NCOA3: variants seen among roughly 807,000 people sequenced by gnomAD.
The protein encoded by NCOA3 is nuclear receptor coactivator 3, also known as CBP-interacting protein.
Under a neutral mutation model 158.8 loss-of-function variants are expected in NCOA3, and 51 were observed. The ratio of observed to expected loss-of-function variants is 0.32; its 90% CI spans 0.26 to 0.41. The LOEUF (loss-of-function observed/expected upper bound fraction) is 0.41. NCOA3 is among the 10% of genes least tolerant of loss of function. The pLI is 1.00. For missense variants in NCOA3, 1,510 were observed against 1,746.6 expected, an observed-to-expected ratio of 0.86 and a Z score of 2.41; for synonymous variants, 537 against 592.4, an observed-to-expected ratio of 0.91 and a Z score of 1.36.
intron 3 of NCOA3, 73 bp from the exon 4 acceptor site, chr20:47,623,838 G>A: frequency 7.2e-7 from 1 of 1,393,396 alleles, no homozygotes; most frequent in South Asian, 1.3e-5. Context: ...TATAGGGGCT[G>A]ATTCTGCTAA....
chr20:47,525,695 G>A (rs1413237149), intron 1 of NCOA3, among the ~76,000 whole-genome samples: 7 of 134,896 alleles, frequency 5.2e-5, no homozygotes, highest in Admixed American at 2.8e-4. Context: ...CGGACGGGGC[G>A]GCTGGCCGGG....
chr20:47,641,367 G>T (rs945953137), intron 16 of NCOA3, among the ~76,000 whole-genome samples: 1 of 133,602 alleles, frequency 7.5e-6, no homozygotes, highest in African/African-American at 2.8e-5. Flanking sequence ...TGGCTCTGTC[G>T]CCCAGGCTGG....
chr20:47,599,013 G>T (rs547604888), intron 2 of NCOA3, among the ~76,000 whole-genome samples: 6 of 152,262 alleles, frequency 3.9e-5, no homozygotes, highest in Non-Finnish European at 8.8e-5. Flanking sequence ...ATATTAACAT[G>T]CAGTATAGGT....
In NCOA3 at chr20:47,654,599, C is replaced by G. The variant is rs1015099472; in HGVS notation, c.*1182C>G. On this transcript the variant is annotated 3_prime_UTR_variant, in exon 23 of 23. Coordinates refer to ENST00000371998, the MANE Select transcript of NCOA3 (RefSeq NM_181659.3). ...CTCCACAGCTTTTCCTTCCCCACCC[C>G]CCAGCCTTAGATGCCTCGCTCTTTT... 2.0e-5 allele frequency: 3 copies of G among 152,476 alleles called. No individual in the cohort carries two copies. Among genetic ancestry groups the G allele is most frequent in the Admixed American group, 6.6e-5 (1 of 15,266 alleles). The allele number at this position is 152,476 out of a possible 1,614,324, so 9.4% of individuals were successfully genotyped here. A position where few individuals can be genotyped will look rare whatever the true frequency, so the allele number is the denominator to read the frequency against.
At chr20:47,602,097 T>A (rs1447043546) in intron 2 of NCOA3, among the ~76,000 whole-genome samples, 1 of 152,258 alleles carries the variant, frequency 6.6e-6, no homozygotes, top group African/African-American at 2.4e-5. Flanking sequence ...ATTTGGAAGA[T>A]CAGCAATGCA....
At chr20:47,598,271 C>A (rs2146255056) in intron 2 of NCOA3, among the ~76,000 whole-genome samples, 1 of 148,920 alleles carries the variant, frequency 6.7e-6, no homozygotes, top group South Asian at 2.1e-4. Context: ...AAAAAAGAAC[C>A]TGGCTTCTTT....
chr20:47,575,312 A>G (rs1028313076), intron 1 of NCOA3, among the ~76,000 whole-genome samples: 15 of 152,220 alleles, frequency 9.9e-5, no homozygotes, highest in African/African-American at 2.4e-4. Flanking sequence ...AATTTATTAT[A>G]TATCTATATA....
chr20:47,551,451 A>G (rs2084925869), intron 1 of NCOA3, among the ~76,000 whole-genome samples: 1 of 152,208 alleles, frequency 6.6e-6, no homozygotes, highest in Non-Finnish European at 1.5e-5. Context: ...AACTTAATTT[A>G]TGTCTGAAGC....
chr20:47,635,769 C>A, intron 11 of NCOA3, 56 bp downstream of exon 11: 1 of 1,516,896 alleles, frequency 6.6e-7, no homozygotes, highest in South Asian at 1.3e-5. Context: ...TTATTCTTTC[C>A]ATACTACTAT....
chr20:47,531,431 T>G (rs2084545522), intron 1 of NCOA3, among the ~76,000 whole-genome samples: 1 of 152,176 alleles, frequency 6.6e-6, no homozygotes, highest in South Asian at 2.1e-4. Context: ...AGAGAGGAAT[T>G]TAAGGGTTCA....
intron 1 of NCOA3, among the ~76,000 whole-genome samples, chr20:47,557,229 T>C (rs1317018163): frequency 6.7e-6 from 1 of 148,154 alleles, no homozygotes; most frequent in Non-Finnish European, 1.5e-5. Context: ...AAAGCTTTAA[T>C]AGCTTACAGT....
In NCOA3 at chr20:47,639,954, G is replaced by T. The variant is rs936662810; in HGVS notation, c.2983G>T (p.Ala995Ser). ...RPGEIPMGMG[A>S]NPYGQAAASN... ...TGGTGAAATCCCCATGGGAATGGGGGCTAATCCCTATGGCCAAGCAGCAGC... is the reference window on the plus strand; with the variant it reads ...TGGTGAAATCCCCATGGGAATGGGGTCTAATCCCTATGGCCAAGCAGCAGC... Residue 995 changes from alanine (A) to serine (S), a missense_variant, in exon 16 of 23, where the codon GCT becomes TCT. Physicochemically the swap from Ala to Ser is moderately conservative, Grantham distance 99 (BLOSUM62 1). Coordinates refer to ENST00000371998, the MANE Select transcript of NCOA3 (RefSeq NM_181659.3). The T allele has an allele frequency of 6.2e-7, 1 of 1,614,152 alleles. No individual in the cohort carries two copies. Among genetic ancestry groups the T allele is most frequent in the African/African-American group, 1.3e-5 (1 of 75,042 alleles).
intron 2 of NCOA3, among the ~76,000 whole-genome samples, chr20:47,620,718 C>T (rs1398393728): frequency 6.6e-6 from 1 of 152,288 alleles, no homozygotes; most frequent in South Asian, 2.1e-4. Flanking sequence ...AAATAACCGT[C>T]GTTCATTTAT....
chr20:47,648,973 G>C (rs1285994453), intron 18 of NCOA3, 32 bp from the exon 19 acceptor site: 1 of 1,409,270 alleles, frequency 7.1e-7, no homozygotes. Context: ...GACGTGCTCT[G>C]CTTGCATTCT....
At chr20:47,638,549 A>G (rs1475291837) in intron 13 of NCOA3, among the ~76,000 whole-genome samples, 1 of 152,194 alleles carries the variant, frequency 6.6e-6, no homozygotes, top group Non-Finnish European at 1.5e-5. Context: ...TGGGGGGGAA[A>G]AAAAGAAGGT....
intron 16 of NCOA3, 69 bp downstream of exon 16, chr20:47,640,120 A>G: frequency 6.3e-7 from 1 of 1,594,920 alleles, no homozygotes; most frequent in Non-Finnish European, 8.6e-7. Context: ...GTTGGAGCAC[A>G]GAAGCAAACG....
At chr20:47,641,324 C>CT (rs34173277) in intron 16 of NCOA3, among the ~76,000 whole-genome samples, 2,819 of 96,556 alleles carry the variant, frequency 0.029, 176 homozygotes, top group East Asian at 0.072. Context: ...CTCAACATTT[C>CT]TTTTTTTTTT....
intron 1 of NCOA3, among the ~76,000 whole-genome samples, chr20:47,582,238 G>A (rs1486379898): frequency 1.3e-5 from 2 of 152,016 alleles, no homozygotes; most frequent in Non-Finnish European, 2.9e-5. Flanking sequence ...TTGAGATGGA[G>A]TTTTGCTTTT....
intron 2 of NCOA3, among the ~76,000 whole-genome samples, chr20:47,587,595 C>CT (rs2085555509): frequency 6.6e-6 from 1 of 152,142 alleles, no homozygotes. Context: ...TTCTTGTATG[C>CT]TTTAAGTCAT....
Sources: allele counts gnomAD v4.1 joint callset (sites outside exome capture counted in the v4.1 genomes callset), GRCh38; gene constraint gnomAD v4.1.1; transcripts MANE v1.5; gene names NCBI Gene and HGNC (gene_info 2026-07-23, HGNC 2026-07-21).